ADAM22: variants seen among roughly 807,000 people sequenced by gnomAD.
The protein encoded by ADAM22 is ADAM metallopeptidase domain 22.
Under a neutral mutation model 144.6 loss-of-function variants are expected in ADAM22, and 65 were observed. The observed-to-expected ratio is 0.45, with a 90% CI of 0.37 to 0.55. ADAM22 has a LOEUF of 0.55. Ranked by LOEUF, ADAM22 falls within the 20% of genes least tolerant of loss-of-function variation. The pLI, the probability that ADAM22 is intolerant of heterozygous loss-of-function variation, is 0.00. For missense variants in ADAM22, 974 were observed against 1,184.9 expected (o/e 0.82, Z 2.61); for synonymous variants, 391 against 412.6 (o/e 0.95, Z 0.63).
chr7:88,181,599 T>C lies in ADAM22; in HGVS notation c.2590T>C (p.Trp864Arg). Residue 864 changes from tryptophan (W) to arginine (R), a missense_variant, in exon 28 of 32, where the codon TGG (tryptophan) becomes CGG (arginine). Trp to Arg is a moderately radical substitution (Grantham distance 101). Coordinates refer to ENST00000413139, the MANE Select transcript of ADAM22 (RefSeq NM_001324418.2). ...AAATGGGCGACCTCGAAGTAACTCT[T>C]GGCAAGGTAGAGGCTGGCATTCTGA... Reference protein sequence around the residue: ...CENGRPRSNSWQGNLGGNKKK... With the variant: ...CENGRPRSNSRQGNLGGNKKK... 1 of 1,613,258 alleles carries C rather than the reference T, an allele frequency of 6.2e-7. No individual in the cohort carries two copies. The highest frequency in any genetic ancestry group is 8.5e-7 in the Non-Finnish European group (1 of 1,179,316).
At chr7:88,149,289 T>TGTTTTTG (rs1276392569) in intron 18 of ADAM22, among the ~76,000 whole-genome samples, 1 of 152,212 alleles carries the variant, frequency 6.6e-6, no homozygotes, top group African/African-American at 2.4e-5. Flanking sequence ...TTAACTATTT[T>TGTTTTTG]GTTTTTGTAT....
chr7:87,946,918 G>A (rs139849985), intron 2 of ADAM22, among the ~76,000 whole-genome samples: 5 of 152,062 alleles, frequency 3.3e-5, no homozygotes, highest in Admixed American at 6.6e-5. Flanking sequence ...CAGATGTGGC[G>A]GGAGGCCATT....
intron 23 of ADAM22, among the ~76,000 whole-genome samples, chr7:88,163,724 C>A (rs1177183977): frequency 1.3e-5 from 2 of 151,994 alleles, no homozygotes; most frequent in African/African-American, 4.8e-5. Flanking sequence ...TAATTCTATT[C>A]TTTAAGTTAT....
chr7:87,942,250 A>C (rs187068619), intron 2 of ADAM22, among the ~76,000 whole-genome samples: 1 of 152,208 alleles, frequency 6.6e-6, no homozygotes, highest in Non-Finnish European at 1.5e-5. Context: ...GTTATATACT[A>C]AAATAGCTAA....
In ADAM22 at chr7:88,199,260, C is replaced by G. The variant is rs1440221941; in HGVS notation, c.*2769C>G. 6.6e-6 allele frequency: 1 copy of G among 152,224 alleles called. No homozygotes were observed. Among genetic ancestry groups the G allele is most frequent in the Non-Finnish European group, 1.5e-5 (1 of 68,030 alleles). 9.4% of individuals were successfully genotyped at this position (152,224 alleles called of 1,614,324 possible). On this transcript the variant is annotated 3_prime_UTR_variant, in exon 32 of 32. Transcript: ENST00000413139. ...TTCCCAATCCACTACAAAATCATTGCTAAGCAGAAGAGAGCAGTTATTTGG... is the reference window on the plus strand; with the variant it reads ...TTCCCAATCCACTACAAAATCATTGGTAAGCAGAAGAGAGCAGTTATTTGG...
intron 17 of ADAM22, 138 bp from the exon 18 acceptor site, chr7:88,148,839 G>A (rs1332901469): frequency 5.1e-6 from 3 of 592,198 alleles, no homozygotes; most frequent in Non-Finnish European, 8.8e-6. Flanking sequence ...TTCAGTAACT[G>A]TGGTTTTGAC....
chr7:88,193,445 C>T (rs1399802091), intron 31 of ADAM22, among the ~76,000 whole-genome samples: 1 of 152,114 alleles, frequency 6.6e-6, no homozygotes, highest in Non-Finnish European at 1.5e-5. Flanking sequence ...AGTCTAGGTA[C>T]ATTTTGTGTA....
intron 3 of ADAM22, among the ~76,000 whole-genome samples, chr7:88,008,401 T>C (rs1584980706): frequency 1.3e-5 from 2 of 150,818 alleles, no homozygotes; most frequent in Admixed American, 6.6e-5. Context: ...CATTACTGGG[T>C]ATATACCCAA....
intron 26 of ADAM22, among the ~76,000 whole-genome samples, chr7:88,174,029 A>G (rs955776183): frequency 5.3e-5 from 8 of 152,156 alleles, no homozygotes; most frequent in African/African-American, 1.9e-4. Context: ...TGCAAGACCT[A>G]ATAAGTATAA....
chr7:87,966,539 G>A (rs548560866), intron 2 of ADAM22, among the ~76,000 whole-genome samples: 21 of 152,150 alleles, frequency 1.4e-4, no homozygotes, highest in Middle Eastern at 6.8e-3. Flanking sequence ...GAAAATAGGA[G>A]CTGGTGCCAG....
intron 14 of ADAM22, among the ~76,000 whole-genome samples, chr7:88,139,197 C>G (rs892213258): frequency 6.6e-5 from 10 of 152,122 alleles, no homozygotes; most frequent in Non-Finnish European, 1.3e-4. Flanking sequence ...GTGGGTGGAT[C>G]CTCTGAGGTC....
intron 4 of ADAM22, among the ~76,000 whole-genome samples, chr7:88,082,661 TC>T (rs1469791425): frequency 1.2e-3 from 184 of 152,022 alleles, no homozygotes; most frequent in African/African-American, 4.1e-3. Context: ...AACAACCCCA[TC>T]AAAAAGTTTG....
rs1476539721 is a variant in ADAM22, at chr7:88,202,245, C to G, written c.*5754C>G. ...TTTTTTTTTTACACTAACTGCAAAA[C>G]TGCTTTAAAAAAAGGCTTATTCAGG... On this transcript the variant is annotated 3_prime_UTR_variant, in exon 32 of 32. Coordinates refer to ENST00000413139, the MANE Select transcript of ADAM22 (RefSeq NM_001324418.2). The G allele has an allele frequency of 6.6e-6, 1 of 151,916 alleles. No homozygotes were observed. Among genetic ancestry groups the G allele is most frequent in the Non-Finnish European group, 1.5e-5 (1 of 67,980 alleles). 9.4% of individuals were successfully genotyped at this position (151,916 alleles called of 1,614,324 possible).
In ADAM22 at chr7:88,181,829, A is replaced by G. The variant is rs2240468; in HGVS notation, c.2597-129A>G. On this transcript the variant is annotated intron_variant, in intron 28 of 31. Transcript: ENST00000413139. ...GTGAAATTTAATTTGAGAAAGCTGT[A>G]CAGTGTGACAAACCCGGTGTTCCAC... 3,509 of 886,698 alleles carry G rather than the reference A, an allele frequency of 4.0e-3. 66 individuals are homozygous for G. In the East Asian group the frequency reaches 0.052, roughly 13 times the overall value. 54.9% of individuals were successfully genotyped at this position (886,698 alleles called of 1,614,324 possible). A position where few individuals can be genotyped will look rare whatever the true frequency, so the allele number is the denominator to read the frequency against.
At chr7:87,949,900 T>A (rs1394704207) in intron 2 of ADAM22, among the ~76,000 whole-genome samples, 3 of 149,980 alleles carry the variant, frequency 2.0e-5, no homozygotes, top group Non-Finnish European at 4.4e-5. Flanking sequence ...ATTATATAAA[T>A]TATAACATTG....
At chr7:88,067,157 G>A (rs1356873053) in intron 3 of ADAM22, among the ~76,000 whole-genome samples, 1 of 151,286 alleles carries the variant, frequency 6.6e-6, no homozygotes, top group Non-Finnish European at 1.5e-5. Flanking sequence ...GGAGGAACAT[G>A]TCTCCCTCTG....
intron 2 of ADAM22, among the ~76,000 whole-genome samples, chr7:87,938,056 CAG>C (rs1841660420): frequency 6.6e-6 from 1 of 152,056 alleles, no homozygotes; most frequent in East Asian, 1.9e-4. Context: ...AGTTAGGAAA[CAG>C]AGGAGTTTTC....
rs28712384 is a variant in ADAM22 at position 88,044,562 on chromosome 7, T to C, written c.324-31064T>C. Among the ~76,000 whole-genome samples, 377 of 151,948 alleles carry C rather than the reference T, an allele frequency of 2.5e-3. 3 individuals carry two copies. Among genetic ancestry groups the C allele is most frequent in the African/African-American group, 8.6e-3 (356 of 41,420 alleles). Reference sequence around the variant, plus strand: ...CCCGGGTTCAATCAATTCTCCTGCCTCAGCCTCCTGAGTAGCCGGGACTAC... The same window carrying C: ...CCCGGGTTCAATCAATTCTCCTGCCCCAGCCTCCTGAGTAGCCGGGACTAC... On this transcript the variant is annotated intron_variant, in intron 3 of 31. Coordinates refer to ENST00000413139, the MANE Select transcript of ADAM22 (RefSeq NM_001324418.2).
rs751340291 is a variant in ADAM22 at position 88,134,331 on chromosome 7, T to G, written c.1080T>G (p.Phe360Leu). The change falls in exon 13 of 32, where the codon TTT becomes TTG. Residue 360 changes from phenylalanine (F) to leucine (L), a missense_variant and splice_region_variant. Phe to Leu is a conservative substitution (Grantham distance 22, BLOSUM62 0). Coordinates refer to ENST00000413139, the MANE Select transcript of ADAM22 (RefSeq NM_001324418.2). Reference sequence around the variant, plus strand: ...TTATTTTTGTTTTTGTTTTTCAGTTTGGGAAAACTGATTTAATGGCTGTTA... The same window carrying G: ...TTATTTTTGTTTTTGTTTTTCAGTTGGGGAAAACTGATTTAATGGCTGTTA... ...SLLKGGGVNE[F>L]GKTDLMAVTL... The G allele has an allele frequency of 4.4e-6, 7 of 1,602,526 alleles. No individual in the cohort carries two copies. The highest frequency in any genetic ancestry group is 6.0e-6 in the Non-Finnish European group (7 of 1,176,278).
Sources: gnomAD v4.1 joint callset for allele counts (sites outside exome capture counted in the v4.1 genomes callset) on GRCh38, gnomAD v4.1.1 for gene constraint, MANE v1.5 for transcripts, NCBI Gene and HGNC (gene_info 2026-07-23, HGNC 2026-07-21) for gene names.